The following TRARG1 variants were observed in gnomAD, a reference collection of about 807,000 sequenced individuals.
TRARG1 encodes the protein trafficking regulator of GLUT4 1.
TRARG1 carries 16 observed loss-of-function variants against 13.3 expected under a neutral mutation model. The ratio of observed to expected loss-of-function variants is 1.20; its 90% confidence interval spans 0.81 to 1.83. The LOEUF (loss-of-function observed/expected upper bound fraction) is 1.83, where lower values mean the gene tolerates loss of function less well. TRARG1 is among the 40% of genes most tolerant of loss of function. The pLI, the probability that TRARG1 is intolerant of heterozygous loss-of-function variation, is 0.00. For synonymous variants in TRARG1, 113 were observed against 106.2 expected, an observed-to-expected ratio of 1.06 and a Z score of -0.39; for missense variants, 250 against 237.4, an observed-to-expected ratio of 1.05 and a Z score of -0.35.
At chr17:1,295,075 G>A (rs2072100964) in intron 1 of TRARG1, among the ~76,000 whole-genome samples, 1 of 152,212 alleles carries the variant, frequency 6.6e-6, no homozygotes, top group Non-Finnish European at 1.5e-5. Context: ...CCCAGGGGCT[G>A]TCTTGGGATC....
chr17:1,284,643 C>T (rs535519819), intron 1 of TRARG1, among the ~76,000 whole-genome samples: 14 of 152,072 alleles, frequency 9.2e-5, no homozygotes, highest in African/African-American at 1.7e-4. Flanking sequence ...TAGTAGAGGA[C>T]GGTCAGGCCC....
At position 1,299,570 on chromosome 17, in the gene TRARG1, T is replaced by A. The variant is rs1484214889; in HGVS notation, c.*1306T>A. 6.6e-6 allele frequency: 1 copy of A among 152,162 alleles called. No homozygotes were observed. The allele number at this position is 152,162 out of a possible 1,614,324, so 9.4% of individuals were successfully genotyped here. ...CCAAGTGGGGCCCTCGGCCTCTTCC[T>A]TCGTTCCAGGCCCATGATTTTCCCT... On this transcript the variant is annotated 3_prime_UTR_variant, in exon 3 of 3. Transcript: ENST00000333813.
intron 2 of TRARG1, among the ~76,000 whole-genome samples, 194 bp from the exon 3 acceptor site, chr17:1,298,057 C>T (rs2072124958): frequency 6.6e-6 from 1 of 152,172 alleles, no homozygotes; most frequent in South Asian, 2.1e-4. Context: ...TCACTGAGGC[C>T]ACAGTCCTCT....
intron 1 of TRARG1, among the ~76,000 whole-genome samples, chr17:1,290,803 G>C (rs989495187): frequency 6.6e-6 from 1 of 151,956 alleles, no homozygotes; most frequent in Non-Finnish European, 1.5e-5. Context: ...TAATCCCCTC[G>C]TGTCCTGGGA....
intron 1 of TRARG1, among the ~76,000 whole-genome samples, chr17:1,284,712 G>A (rs905044417): frequency 8.6e-5 from 13 of 151,810 alleles, no homozygotes; most frequent in Non-Finnish European, 1.5e-4. Context: ...ATGGAGTCTT[G>A]CTCTGTCGCC....
At chr17:1,282,946 G>A (rs954055162) in intron 1 of TRARG1, among the ~76,000 whole-genome samples, 8 of 151,960 alleles carry the variant, frequency 5.3e-5, no homozygotes, top group African/African-American at 9.7e-5. Flanking sequence ...CACCTCGGCC[G>A]CCCAAAGTGC....
At chr17:1,292,257 G>T (rs1283945984) in intron 1 of TRARG1, among the ~76,000 whole-genome samples, 1 of 152,214 alleles carries the variant, frequency 6.6e-6, no homozygotes. Context: ...TGTGGAAGAC[G>T]CTGAGCAGCT....
At chr17:1,281,959 T>C (rs1056789806) in intron 1 of TRARG1, among the ~76,000 whole-genome samples, 3 of 151,442 alleles carry the variant, frequency 2.0e-5, no homozygotes, top group African/African-American at 4.8e-5. Context: ...CACATACATG[T>C]ACATATATGC....
chr17:1,297,617 T>C (rs2072121588), intron 2 of TRARG1, among the ~76,000 whole-genome samples: 1 of 130,262 alleles, frequency 7.7e-6, no homozygotes, highest in Non-Finnish European at 1.7e-5. Flanking sequence ...TTTTTTTTTT[T>C]TCCCCAGACA....
At chr17:1,294,187 G>A (rs1054406441) in intron 1 of TRARG1, among the ~76,000 whole-genome samples, 18 of 152,062 alleles carry the variant, frequency 1.2e-4, no homozygotes, top group African/African-American at 4.3e-4. Context: ...CCTTAGAGAT[G>A]CTTGGGCTCC....
chr17:1,283,294 A>G (rs914831911), intron 1 of TRARG1, among the ~76,000 whole-genome samples: 1 of 152,156 alleles, frequency 6.6e-6, no homozygotes, highest in Admixed American at 6.5e-5. Flanking sequence ...CCAGTGCTTC[A>G]GAACAACACC....
chr17:1,297,267 G>T (rs1455006609), intron 2 of TRARG1, among the ~76,000 whole-genome samples: 1 of 152,128 alleles, frequency 6.6e-6, no homozygotes, highest in Non-Finnish European at 1.5e-5. Context: ...GTCAACGTTG[G>T]GAGGCACTGG....
At chr17:1,289,966 CCGGAATCGT>C in intron 1 of TRARG1, among the ~76,000 whole-genome samples, 1 of 151,640 alleles carries the variant, frequency 6.6e-6, no homozygotes, top group South Asian at 2.1e-4. Flanking sequence ...GCCGGGAACC[CCGGAATCGT>C]CTGAATCATG....
chr17:1,300,197 G>T lies in TRARG1; in HGVS notation c.*1933G>T, dbSNP rs2150814597. 1 of 152,402 alleles carries T rather than the reference G, an allele frequency of 6.6e-6. No individual in the cohort carries two copies. The highest frequency in any genetic ancestry group is 2.1e-4 in the South Asian group (1 of 4,830). 9.4% of individuals were successfully genotyped at this position (152,402 alleles called of 1,614,324 possible). ...CCTCGTGAAGTCACGTCACACAGGG[G>T]AGAGGCGAGGTCGATGGAACTGGCC... On this transcript the variant is annotated 3_prime_UTR_variant, in exon 3 of 3. Transcript: ENST00000333813.
intron 1 of TRARG1, among the ~76,000 whole-genome samples, chr17:1,283,881 G>A (rs1032993017): frequency 5.3e-5 from 8 of 151,966 alleles, no homozygotes; most frequent in African/African-American, 1.9e-4. Context: ...GGGAGGCCGA[G>A]GCGGGCAGAT....
In TRARG1 at chr17:1,280,053, G is replaced by A. The variant is rs111701043; in HGVS notation, c.52G>A (p.Ala18Thr). The change falls in exon 1 of 3, where the codon GCC becomes ACC. Residue 18 changes from alanine (A) to threonine (T), a missense_variant. By Grantham distance (58) the Ala-to-Thr change is moderately conservative. Transcript: ENST00000333813. ...EFPSAQEPGS[A>T]AFLDLPEMEI... ...TCCTTCAGCACAGGAGCCAGGCTCCGCCGCATTCCTGGACCTGCCGGAGAT... is the reference window on the plus strand; with the variant it reads ...TCCTTCAGCACAGGAGCCAGGCTCCACCGCATTCCTGGACCTGCCGGAGAT... The A allele has an allele frequency of 0.02, 32,639 of 1,613,372 alleles. 400 individuals carry two copies. The highest frequency in any genetic ancestry group is 0.025 in the Non-Finnish European group (29,074 of 1,180,004).
In TRARG1 at chr17:1,284,870, C is replaced by T. The variant is rs142328072; in HGVS notation, c.387+4482C>T. On this transcript the variant is annotated intron_variant, in intron 1 of 2. Coordinates refer to ENST00000333813, the MANE Select transcript of TRARG1 (RefSeq NM_172367.3). The stretch of plus-strand genomic sequence containing the variant: ...TAATTTTTTGTATTTTTAGTAGATA[C>T]GGGGTTTCACTGTGTTAGCCAGGAT... Among the ~76,000 whole-genome samples the T allele has an allele frequency of 8.9e-3, 1,359 of 151,856 alleles. 28 individuals are homozygous for T. The highest frequency in any genetic ancestry group is 0.031 in the African/African-American group (1,283 of 41,432).
At chr17:1,290,103 G>C (rs2072059559) in intron 1 of TRARG1, among the ~76,000 whole-genome samples, 1 of 152,158 alleles carries the variant, frequency 6.6e-6, no homozygotes, top group South Asian at 2.1e-4. Context: ...TCTCAAACCT[G>C]AACTCTTTTC....
chr17:1,298,786 C>G lies in TRARG1; in HGVS notation c.*522C>G, dbSNP rs747438411. On this transcript the variant is annotated 3_prime_UTR_variant, in exon 3 of 3. Coordinates refer to ENST00000333813, the MANE Select transcript of TRARG1 (RefSeq NM_172367.3). ...CCCGCGGTGATCCCAGCCAGGGCCC[C>G]GAGCGCAGAGGCGGAGCTGTGCTCA... 1.9e-5 allele frequency: 3 copies of G among 154,460 alleles called. No individual in the cohort carries two copies. The highest frequency in any genetic ancestry group is 4.3e-5 in the Non-Finnish European group (3 of 69,624). The allele number at this position is 154,460 out of a possible 1,614,324, so 9.6% of individuals were successfully genotyped here.
Sources: allele counts gnomAD v4.1 joint callset (sites outside exome capture counted in the v4.1 genomes callset), GRCh38; gene constraint gnomAD v4.1.1; transcripts MANE v1.5; gene names NCBI Gene and HGNC (gene_info 2026-07-23, HGNC 2026-07-21).